Variants in PSG2 observed in about 807,000 individuals in gnomAD.
PSG2 encodes the protein pregnancy-specific beta-1-glycoprotein 2.
In PSG2, 49 loss-of-function variants were observed where a neutral mutation model predicts 36.2. The observed-to-expected ratio is 1.35, with a 90% CI of 1.08 to 1.72. The LOEUF (loss-of-function observed/expected upper bound fraction) is 1.72. Among genes scored for constraint, PSG2 ranks in the 40% most tolerant of loss-of-function variants. The pLI is 0.00. For missense variants in PSG2, 605 were observed against 407.2 expected, an observed-to-expected ratio of 1.49 and a Z score of -4.18; for synonymous variants, 261 against 155.6, an observed-to-expected ratio of 1.68 and a Z score of -5.04.
chr19:43,075,179 T>C (rs960412387), intron 3 of PSG2, among the ~76,000 whole-genome samples, 175 bp downstream of exon 3: 1 of 151,722 alleles, frequency 6.6e-6, no homozygotes, highest in Non-Finnish European at 1.5e-5. Context: ...TTTCTCCTAT[T>C]GTGGATCAAG....
At position 43,082,669 on chromosome 19, in the gene PSG2, A is replaced by G. The variant is rs533772195; in HGVS notation, c.-100T>C. 1,309 of 1,538,294 alleles carry G rather than the reference A, an allele frequency of 8.5e-4. 16 individuals are homozygous for G. The highest frequency in any genetic ancestry group is 3.6e-3 in the South Asian group (309 of 84,726). Reference sequence around the variant, plus strand: ...GCTGTGCTGTCCTTCCTCCTTCTGCACTGAGCCTCTTCCTGGGGCAGCAGC... The same window carrying G: ...GCTGTGCTGTCCTTCCTCCTTCTGCGCTGAGCCTCTTCCTGGGGCAGCAGC... On this transcript the variant is annotated 5_prime_UTR_variant, in exon 1 of 6. Transcript: ENST00000406487.
Position 43,066,595 on chromosome 19 carries a change from T to C in PSG2, c.970A>G (p.Thr324Ala). 1 of 1,599,138 alleles carries C rather than the reference T, an allele frequency of 6.3e-7. No individual in the cohort carries two copies. The highest frequency in any genetic ancestry group is 1.1e-5 in the South Asian group (1 of 90,788). ...TSLTVKVSAS[T>A]RIGLLPLLNP... ...AGGAGAGGAAGAAGTCCTATTCTTG[T>C]AGAAGCTGTCATGGAAAGAAAAGTA... Residue 324 changes from threonine to alanine, a missense_variant, in exon 5 of 6, where the codon ACA becomes GCA. Coordinates refer to ENST00000406487, the MANE Select transcript of PSG2 (RefSeq NM_031246.4).
At position 43,071,866 on chromosome 19, in the gene PSG2, G is replaced by A; in HGVS notation, c.798C>T (p.Asn266=). ...NLYLSCFANS[N]PPAQYSWTIN... ...TTGTCCAAGAATACTGTGCCGGTGGGTTAGAGTTCGCGAAGCAAGACAAGT... is the reference window on the plus strand; with the variant it reads ...TTGTCCAAGAATACTGTGCCGGTGGATTAGAGTTCGCGAAGCAAGACAAGT... Residue 266 remains asparagine, a synonymous_variant, in exon 4 of 6, where the codon AAC becomes AAT. Transcript: ENST00000406487. 6.2e-7 allele frequency: 1 copy of A among 1,613,132 alleles called. No homozygotes were observed. Among genetic ancestry groups the A allele is most frequent in the Non-Finnish European group, 8.5e-7 (1 of 1,179,632 alleles).
rs61644329 is a variant in PSG2 at position 43,081,440 on chromosome 19, A to C, written c.65-194T>G. ...TTTGTATGTGTGTATGTGTGTGTGTACTACTGTCCTACTAGGTCAAGGTCA... is the reference window on the plus strand; with the variant it reads ...TTTGTATGTGTGTATGTGTGTGTGTCCTACTGTCCTACTAGGTCAAGGTCA... On this transcript the variant is annotated intron_variant, in intron 1 of 5. Transcript: ENST00000406487. Among the ~76,000 whole-genome samples, 753 of 149,992 alleles carry C rather than the reference A, an allele frequency of 5.0e-3. 21 individuals are homozygous for C. Among genetic ancestry groups the C allele is most frequent in the African/African-American group, 0.017 (699 of 40,374 alleles).
chr19:43,081,393 A>G (rs1002681198), intron 1 of PSG2, 147 bp from the exon 2 acceptor site: 20 of 1,272,596 alleles, frequency 1.6e-5, no homozygotes, highest in Non-Finnish European at 2.0e-5. Context: ...ACACACACAC[A>G]CACACAAAAG....
intron 2 of PSG2, among the ~76,000 whole-genome samples, chr19:43,076,771 T>A (rs1229489565): frequency 6.6e-6 from 1 of 151,654 alleles, no homozygotes; most frequent in African/African-American, 2.4e-5. Flanking sequence ...TATAGTTCAT[T>A]CAGATAAAGT....
chr19:43,079,473 T>C (rs1967940963), intron 2 of PSG2, among the ~76,000 whole-genome samples: 1 of 151,514 alleles, frequency 6.6e-6, no homozygotes, highest in East Asian at 1.9e-4. Flanking sequence ...TTTGGATCAT[T>C]CATTTCTTCA....
intron 3 of PSG2, among the ~76,000 whole-genome samples, chr19:43,072,906 C>A (rs1448591116): frequency 6.6e-6 from 1 of 151,840 alleles, no homozygotes; most frequent in South Asian, 2.1e-4. Flanking sequence ...GTCACAGCCC[C>A]AGTACCCCTC....
At chr19:43,077,902 G>A (rs545922232) in intron 2 of PSG2, among the ~76,000 whole-genome samples, 6 of 151,620 alleles carry the variant, frequency 4.0e-5, no homozygotes, top group African/African-American at 1.2e-4. Flanking sequence ...TGTTGGAACC[G>A]AGTGACAAAT....
chr19:43,074,401 A>C (rs970821953), intron 3 of PSG2, among the ~76,000 whole-genome samples: 2 of 151,712 alleles, frequency 1.3e-5, no homozygotes, highest in African/African-American at 4.9e-5. Flanking sequence ...TCAAGGTATA[A>C]TCATTTGACC....
At chr19:43,073,616 C>T (rs1599707773) in intron 3 of PSG2, among the ~76,000 whole-genome samples, 1 of 151,578 alleles carries the variant, frequency 6.6e-6, no homozygotes, top group Admixed American at 6.6e-5. Context: ...CTCTAGGGAC[C>T]TCATGTAAGT....
intron 3 of PSG2, 41 bp downstream of exon 3, chr19:43,075,313 G>T (rs747805133): frequency 6.2e-7 from 1 of 1,613,110 alleles, no homozygotes; most frequent in Non-Finnish European, 8.5e-7. Flanking sequence ...ATGTGTATTT[G>T]GGATGGCAGT....
intron 4 of PSG2, among the ~76,000 whole-genome samples, chr19:43,069,381 C>A (rs1161642794): frequency 5.3e-5 from 8 of 151,630 alleles, no homozygotes; most frequent in African/African-American, 1.7e-4. Context: ...ATTTATATTG[C>A]ATCTCATGAC....
At chr19:43,078,242 T>C (rs895157914) in intron 2 of PSG2, among the ~76,000 whole-genome samples, 16 of 151,710 alleles carry the variant, frequency 1.1e-4, no homozygotes, top group Non-Finnish European at 2.4e-4. Context: ...TAATAGTTCC[T>C]CCATAAAACT....
chr19:43,069,502 A>G (rs922713632), intron 4 of PSG2, among the ~76,000 whole-genome samples: 1 of 151,786 alleles, frequency 6.6e-6, no homozygotes, highest in Non-Finnish European at 1.5e-5. Context: ...GTACTGGCAT[A>G]AAGGAGGACA....
chr19:43,074,410 C>A (rs982615590), intron 3 of PSG2, among the ~76,000 whole-genome samples: 1 of 151,678 alleles, frequency 6.6e-6, no homozygotes, highest in Non-Finnish European at 1.5e-5. Context: ...AATCATTTGA[C>A]CTTTTTGGTT....
chr19:43,075,956 C>T (rs564089226), intron 2 of PSG2, among the ~76,000 whole-genome samples: 1 of 151,558 alleles, frequency 6.6e-6, no homozygotes, highest in Admixed American at 6.6e-5. Context: ...GCCTGGCCCA[C>T]CTTGTGGTCC....
At chr19:43,079,897 C>A (rs763984152) in intron 2 of PSG2, among the ~76,000 whole-genome samples, 1 of 151,596 alleles carries the variant, frequency 6.6e-6, no homozygotes, top group Non-Finnish European at 1.5e-5. Flanking sequence ...CCTCATGTGA[C>A]CCTGATCTCC....
chr19:43,076,687 G>A lies in PSG2; in HGVS notation c.431-1055C>T, dbSNP rs563640823. On this transcript the variant is annotated intron_variant, in intron 2 of 5. Coordinates refer to ENST00000406487, the MANE Select transcript of PSG2 (RefSeq NM_031246.4). The stretch of plus-strand genomic sequence containing the variant: ...GGAGCTGGGATCAGGGGAATAGGGC[G>A]TTGTTCTGTGGGTGTGCGGTTCCAG... 2.4e-4 allele frequency among the ~76,000 whole-genome samples: 36 copies of A among 151,760 alleles called. 2 individuals carry two copies. Among genetic ancestry groups the A allele is most frequent in the African/African-American group, 7.0e-4 (29 of 41,178 alleles).
Sources: gnomAD v4.1 joint callset for allele counts (sites outside exome capture counted in the v4.1 genomes callset) on GRCh38, gnomAD v4.1.1 for gene constraint, MANE v1.5 for transcripts, NCBI Gene and HGNC (gene_info 2026-07-23, HGNC 2026-07-21) for gene names.